The following TENM2 variants were observed in gnomAD, a reference collection of about 807,000 sequenced individuals.
TENM2 encodes teneurin-2.
TENM2 carries 52 observed loss-of-function variants against 245.2 expected under a neutral mutation model. That is an observed-to-expected ratio of 0.21 (90% CI 0.17 to 0.27). The LOEUF is 0.27. Ranked by LOEUF, TENM2 falls within the 10% of genes least tolerant of loss-of-function variation. The probability of loss-of-function intolerance (pLI) is 1.00; values close to 1 mark genes in which losing one functional copy is unlikely to be tolerated. For synonymous variants in TENM2, 1,363 were observed against 1,438.9 expected (o/e 0.95, Z 1.19); for missense variants, 3,046 against 3,666.8 (o/e 0.83, Z 4.37).
the TENM2 span, among the ~76,000 whole-genome samples, chr5:167,152,342 G>A: frequency 6.6e-6 from 1 of 152,110 alleles, no homozygotes; most frequent in Non-Finnish European, 1.5e-5. Context: ...ATCTGCTTGT[G>A]AAATCATCTT....
At chr5:167,046,827 G>A in the TENM2 span, among the ~76,000 whole-genome samples, 3 of 152,072 alleles carry the variant, frequency 2.0e-5, no homozygotes, top group Admixed American at 1.3e-4. Flanking sequence ...TATGCGTTAG[G>A]TATTTGTCCT....
At chr5:167,570,737 G>A (rs1006658502) in intron 2 of TENM2, among the ~76,000 whole-genome samples, 1 of 152,166 alleles carries the variant, frequency 6.6e-6, no homozygotes, top group African/African-American at 2.4e-5. Context: ...AAGAATTATT[G>A]CAACTGTCCA....
chr5:168,090,310 T>C (rs1319117147), intron 7 of TENM2, among the ~76,000 whole-genome samples: 2 of 151,790 alleles, frequency 1.3e-5, no homozygotes, highest in East Asian at 3.9e-4. Flanking sequence ...GTTAAAGCTC[T>C]TTGGATTTCA....
At chr5:167,875,428 G>A (rs1350479221) in intron 2 of TENM2, among the ~76,000 whole-genome samples, 1 of 152,020 alleles carries the variant, frequency 6.6e-6, no homozygotes, top group Admixed American at 6.6e-5. Flanking sequence ...GAGTGAGGTA[G>A]GAGAGGCAGC....
intron 1 of TENM2, among the ~76,000 whole-genome samples, chr5:167,344,162 T>TTA (rs1194796502): frequency 1.3e-5 from 2 of 148,492 alleles, no homozygotes; most frequent in African/African-American, 2.5e-5. Context: ...TATATGTATT[T>TTA]TATATATATA....
At chr5:167,315,078 T>C (rs1195047584) in intron 1 of TENM2, among the ~76,000 whole-genome samples, 2 of 152,058 alleles carry the variant, frequency 1.3e-5, no homozygotes, top group Non-Finnish European at 2.9e-5. Context: ...CTATAATAAA[T>C]AACATTCAAG....
chr5:167,913,787 A>G (rs1583350015), intron 3 of TENM2, among the ~76,000 whole-genome samples: 1 of 152,206 alleles, frequency 6.6e-6, no homozygotes, highest in Admixed American at 6.5e-5. Flanking sequence ...ATTTCTGTCG[A>G]TTCCTGTCCA....
intron 4 of TENM2, among the ~76,000 whole-genome samples, chr5:167,957,386 C>T (rs148319809): frequency 2.9e-3 from 438 of 151,936 alleles, no homozygotes; most frequent in African/African-American, 0.01. Flanking sequence ...TTAGTCTGGC[C>T]GGCAGTCTAT....
At chr5:167,164,182 G>A in the TENM2 span, among the ~76,000 whole-genome samples, 3 of 152,104 alleles carry the variant, frequency 2.0e-5, no homozygotes, top group Non-Finnish European at 2.9e-5. Context: ...ACAAAGACAA[G>A]AAACCACCAA....
At chr5:167,124,613 C>T in the TENM2 span, among the ~76,000 whole-genome samples, 1 of 152,076 alleles carries the variant, frequency 6.6e-6, no homozygotes, top group African/African-American at 2.4e-5. Context: ...GTAAAACTCT[C>T]CTGAACATCT....
the TENM2 span, among the ~76,000 whole-genome samples, chr5:167,036,179 C>T: frequency 6.6e-6 from 1 of 152,136 alleles, no homozygotes; most frequent in Non-Finnish European, 1.5e-5. Context: ...CTGACACCAG[C>T]CTGGGGAAAG....
chr5:167,609,439 A>G (rs1777292906), intron 2 of TENM2, among the ~76,000 whole-genome samples: 1 of 140,776 alleles, frequency 7.1e-6, no homozygotes, highest in South Asian at 2.3e-4. Flanking sequence ...AAGTTCCTTT[A>G]CCAGTCAGTA....
chr5:167,152,879 G>T, the TENM2 span, among the ~76,000 whole-genome samples: 2 of 152,018 alleles, frequency 1.3e-5, no homozygotes, highest in Non-Finnish European at 2.9e-5. Context: ...AATTTTTCAC[G>T]TAGTATTTTT....
intron 5 of TENM2, among the ~76,000 whole-genome samples, chr5:168,005,974 C>G (rs754925): frequency 0.14 from 20,736 of 152,090 alleles, 1,580 homozygotes; most frequent in East Asian, 0.27. Flanking sequence ...AGGCCAAATG[C>G]CTAGCTAGAG....
At chr5:168,184,695 A>G (rs938324269) in intron 13 of TENM2, among the ~76,000 whole-genome samples, 5 of 152,138 alleles carry the variant, frequency 3.3e-5, no homozygotes, top group Admixed American at 1.3e-4. Context: ...GGTTCAGCCA[A>G]CTCCAAAGGA....
At chr5:167,936,241 G>C (rs1375657892) in intron 3 of TENM2, among the ~76,000 whole-genome samples, 1 of 152,230 alleles carries the variant, frequency 6.6e-6, no homozygotes, top group Non-Finnish European at 1.5e-5. Flanking sequence ...ATTGTGCTGA[G>C]TGTCAGTAGA....
chr5:167,204,368 G>A, the TENM2 span, among the ~76,000 whole-genome samples: 1 of 152,138 alleles, frequency 6.6e-6, no homozygotes, highest in Non-Finnish European at 1.5e-5. Flanking sequence ...ATAAATCAGT[G>A]AGAAGATTAA....
exon 29 of TENM2, chr5:168,262,228 G>A: frequency 6.2e-7 from 1 of 1,605,266 alleles, no homozygotes; most frequent in Non-Finnish European, 8.5e-7. Context: ...AAGGGCGGGT[G>A]ACCACGGGCG....
In TENM2 at chr5:168,199,913, A is replaced by C. The variant is rs746349543; in HGVS notation, c.3212A>C (p.Tyr1071Ser). 3.1e-6 allele frequency: 5 copies of C among 1,614,014 alleles called. No homozygotes were observed. The Admixed American group carries it at 8.3e-5, about 27-fold the overall frequency. ...CCTGGTTCCAATGTGAAACTTCGCT[A>C]TCTGAGCTCTAGAACTGCAGGGTAC... The change falls in exon 17 of 29, where the codon TAT becomes TCT. Residue 1071 changes from tyrosine (Y) to serine (S), a missense_variant. Around this residue, in one of 2 missense-constraint regions of TENM2, gnomAD observed 2,704 missense variants for 3,331.9 expected, o/e 0.81. Coordinates refer to ENST00000518659, the Ensembl canonical transcript of TENM2.
Sources: gnomAD v4.1 joint callset for allele counts (sites outside exome capture counted in the v4.1 genomes callset) on GRCh38, gnomAD v4.1.1 for gene constraint, gnomAD v4.1.1 regional missense constraint, MANE v1.5 for transcripts, NCBI Gene and HGNC (gene_info 2026-07-23, HGNC 2026-07-21) for gene names.